CACNA2D3: variants seen among roughly 807,000 people sequenced by gnomAD.
CACNA2D3 encodes calcium voltage-gated channel auxiliary subunit alpha2delta 3.
Under a neutral mutation model 160.6 loss-of-function variants are expected in CACNA2D3, and 60 were observed. That is an observed-to-expected ratio of 0.37 (90% CI 0.30 to 0.46). CACNA2D3 has a LOEUF of 0.46. Among genes scored for constraint, CACNA2D3 ranks in the 20% least tolerant of loss-of-function variants. CACNA2D3 has a pLI of 1.00. For missense variants in CACNA2D3, 1,205 were observed against 1,365.0 expected, an observed-to-expected ratio of 0.88 and a Z score of 1.85; for synonymous variants, 558 against 492.9, an observed-to-expected ratio of 1.13 and a Z score of -1.75.
At chr3:54,737,363 G>A (rs1701555501) in intron 11 of CACNA2D3, among the ~76,000 whole-genome samples, 1 of 152,098 alleles carries the variant, frequency 6.6e-6, no homozygotes, top group Admixed American at 6.5e-5. Context: ...TCTTTTGGAG[G>A]TGGAAAGTTC....
intron 11 of CACNA2D3, among the ~76,000 whole-genome samples, chr3:54,680,723 A>G (rs755674490): frequency 1.3e-5 from 2 of 152,216 alleles, no homozygotes; most frequent in Non-Finnish European, 2.9e-5. Context: ...CATCCTGTAC[A>G]GAGACACATG....
chr3:54,746,570 C>G (rs1176902667), intron 11 of CACNA2D3, among the ~76,000 whole-genome samples: 1 of 152,144 alleles, frequency 6.6e-6, no homozygotes, highest in Non-Finnish European at 1.5e-5. Context: ...AAATTTAGAA[C>G]CCATGAATGT....
intron 4 of CACNA2D3, among the ~76,000 whole-genome samples, chr3:54,470,020 C>T (rs1174424944): frequency 6.6e-6 from 1 of 152,114 alleles, no homozygotes; most frequent in African/African-American, 2.4e-5. Flanking sequence ...GGATATTATG[C>T]CGGAGAATTT....
At chr3:54,630,746 G>C (rs1461785738) in intron 10 of CACNA2D3, among the ~76,000 whole-genome samples, 3 of 152,016 alleles carry the variant, frequency 2.0e-5, no homozygotes, top group African/African-American at 7.3e-5. Context: ...ACCAACACAT[G>C]GTGGACTTTT....
At chr3:54,803,250 T>C (rs1703037291) in intron 13 of CACNA2D3, among the ~76,000 whole-genome samples, 1 of 152,144 alleles carries the variant, frequency 6.6e-6, no homozygotes, top group Non-Finnish European at 1.5e-5. Flanking sequence ...CTTCAGACGA[T>C]CAAACTACTC....
chr3:54,146,506 G>T (rs985921328), intron 2 of CACNA2D3, among the ~76,000 whole-genome samples: 3 of 152,234 alleles, frequency 2.0e-5, no homozygotes, highest in African/African-American at 7.2e-5. Flanking sequence ...ACTGGCAGGG[G>T]AGCAATGTTT....
chr3:54,701,715 T>A (rs1700770456), intron 11 of CACNA2D3, among the ~76,000 whole-genome samples: 1 of 152,184 alleles, frequency 6.6e-6, no homozygotes, highest in Non-Finnish European at 1.5e-5. Flanking sequence ...AAACTACTAA[T>A]GTCATTTTTC....
At chr3:54,185,937 C>T (rs967507501) in intron 2 of CACNA2D3, among the ~76,000 whole-genome samples, 2 of 152,188 alleles carry the variant, frequency 1.3e-5, no homozygotes, top group Non-Finnish European at 2.9e-5. Context: ...CCTTAAGCAT[C>T]TCTCCCTCAG....
chr3:54,525,060 AAAG>A (rs1260935784), intron 5 of CACNA2D3, among the ~76,000 whole-genome samples: 2 of 152,156 alleles, frequency 1.3e-5, no homozygotes, highest in African/African-American at 2.4e-5. Flanking sequence ...ATAGTATACT[AAAG>A]AAAGATGTAG....
chr3:54,211,388 G>T (rs529276395), intron 2 of CACNA2D3, among the ~76,000 whole-genome samples: 2 of 152,072 alleles, frequency 1.3e-5, no homozygotes, highest in East Asian at 1.9e-4. Flanking sequence ...CCACAGTGCC[G>T]CCATGAATAC....
At chr3:54,415,809 A>G (rs1480718664) in intron 4 of CACNA2D3, among the ~76,000 whole-genome samples, 3 of 152,202 alleles carry the variant, frequency 2.0e-5, no homozygotes, top group Non-Finnish European at 1.5e-5. Context: ...AATCACACCT[A>G]AGTCTTTCTG....
rs539957447 is a variant in CACNA2D3, at chr3:54,787,553, A to C, written c.1380+23202A>C. On this transcript the variant is annotated intron_variant, in intron 13 of 37. Transcript: ENST00000474759. Reference sequence around the variant, plus strand: ...GGAGAAAGGTTTATTTCATATGCACATGGGGGGCCACACAGGAAAGAAGTG... The same window carrying C: ...GGAGAAAGGTTTATTTCATATGCACCTGGGGGGCCACACAGGAAAGAAGTG... 4.0e-4 allele frequency among the ~76,000 whole-genome samples: 61 copies of C among 152,326 alleles called. 2 individuals carry two copies. In the South Asian group the frequency reaches 0.01, roughly 25 times the overall value.
At chr3:54,736,024 C>CACATAT (rs1559563483) in intron 11 of CACNA2D3, among the ~76,000 whole-genome samples, 1 of 65,278 alleles carries the variant, frequency 1.5e-5, no homozygotes, top group African/African-American at 7.2e-5. Flanking sequence ...TATACACATA[C>CACATAT]ATATATATAT....
At chr3:54,215,599 TC>T (rs1701446432) in intron 2 of CACNA2D3, among the ~76,000 whole-genome samples, 1 of 146,930 alleles carries the variant, frequency 6.8e-6, no homozygotes. Context: ...GGAAATGTTC[TC>T]TTTTCCAAGT....
intron 3 of CACNA2D3, among the ~76,000 whole-genome samples, chr3:54,344,415 T>C (rs1034320660): frequency 6.6e-6 from 1 of 152,224 alleles, no homozygotes; most frequent in Admixed American, 6.5e-5. Flanking sequence ...AAGGGAGACC[T>C]ATCCATTGCT....
intron 4 of CACNA2D3, among the ~76,000 whole-genome samples, chr3:54,401,181 A>G (rs1279203792): frequency 1.3e-5 from 2 of 152,124 alleles, no homozygotes; most frequent in Non-Finnish European, 2.9e-5. Context: ...GTCTTTTGAA[A>G]TTACCTAGTC....
At chr3:54,260,848 A>G (rs547509834) in intron 2 of CACNA2D3, among the ~76,000 whole-genome samples, 2 of 152,128 alleles carry the variant, frequency 1.3e-5, no homozygotes, top group Admixed American at 1.3e-4. Flanking sequence ...CTCAGATATC[A>G]TCTCCATTAG....
intron 4 of CACNA2D3, among the ~76,000 whole-genome samples, chr3:54,432,359 G>C (rs1700002719): frequency 6.6e-6 from 1 of 152,146 alleles, no homozygotes; most frequent in African/African-American, 2.4e-5. Flanking sequence ...GACTCACTGT[G>C]TGTTTTCAGA....
At chr3:54,213,216 T>C (rs1232078844) in intron 2 of CACNA2D3, among the ~76,000 whole-genome samples, 1 of 152,216 alleles carries the variant, frequency 6.6e-6, no homozygotes, top group Middle Eastern at 3.2e-3. Context: ...CCAGGTAATT[T>C]GCTTCCTGAA....
Sources: gnomAD v4.1 joint callset for allele counts (sites outside exome capture counted in the v4.1 genomes callset) on GRCh38, gnomAD v4.1.1 for gene constraint, MANE v1.5 for transcripts, NCBI Gene and HGNC (gene_info 2026-07-23, HGNC 2026-07-21) for gene names.